The following AHCTF1 variants were observed in gnomAD, a reference collection of about 807,000 sequenced individuals.
AHCTF1 encodes the protein AT-hook containing transcription factor 1, also known as protein ELYS.
Under a neutral mutation model 248.4 loss-of-function variants are expected in AHCTF1, and 24 were observed. That is an observed-to-expected ratio of 0.10 (90% CI 0.07 to 0.14). The LOEUF (loss-of-function observed/expected upper bound fraction) is 0.14. Among genes scored for constraint, AHCTF1 ranks in the 10% least tolerant of loss-of-function variants. AHCTF1 has a pLI of 1.00. For missense variants in AHCTF1, 2,206 were observed against 2,636.2 expected (o/e 0.84, Z 3.57); for synonymous variants, 786 against 929.8 (o/e 0.85, Z 2.81).
chr1:246,877,961 C>G (rs759206319), intron 21 of AHCTF1, among the ~76,000 whole-genome samples: 5 of 151,426 alleles, frequency 3.3e-5, no homozygotes, highest in Non-Finnish European at 7.4e-5. Flanking sequence ...AACTCATACC[C>G]CACCGACAGG....
chr1:246,876,337 C>T (rs1432596854), intron 23 of AHCTF1, 150 bp from the exon 24 acceptor site: 1 of 649,220 alleles, frequency 1.5e-6, no homozygotes, highest in Non-Finnish European at 2.5e-6. Context: ...ACTTCATCCA[C>T]ATATCTAATT....
chr1:246,903,666 G>A lies in AHCTF1; in HGVS notation c.966+283C>T, dbSNP rs796682817. 4.7e-5 allele frequency among the ~76,000 whole-genome samples: 6 copies of A among 128,744 alleles called. No homozygotes were observed. The South Asian group carries it at 6.9e-4, about 15-fold the overall frequency. 84.5% of individuals were successfully genotyped at this position (128,744 alleles called of 152,430 possible). ...AAGATGGTGAGACCCCCCCCCCTCCGTCTCTGCTAAATATACAAAAAAATT... is the reference window on the plus strand; with the variant it reads ...AAGATGGTGAGACCCCCCCCCCTCCATCTCTGCTAAATATACAAAAAAATT... On this transcript the variant is annotated intron_variant, in intron 7 of 35. Coordinates refer to ENST00000648844, the MANE Select transcript of AHCTF1 (RefSeq NM_001323342.2).
intron 24 of AHCTF1, among the ~76,000 whole-genome samples, chr1:246,869,814 A>G (rs1239601975): frequency 1.3e-5 from 2 of 152,236 alleles, no homozygotes; most frequent in African/African-American, 4.8e-5. Context: ...GTTAGCAGGC[A>G]TGAAAACACA....
At chr1:246,848,382 T>C (rs1660441998) in intron 33 of AHCTF1, among the ~76,000 whole-genome samples, 1 of 141,392 alleles carries the variant, frequency 7.1e-6, no homozygotes, top group Admixed American at 6.7e-5. Flanking sequence ...CCCGGATAAT[T>C]TCTTTGTATT....
chr1:246,909,079 A>ATATCTATATC (rs1553302564), intron 4 of AHCTF1, among the ~76,000 whole-genome samples: 1 of 143,286 alleles, frequency 7.0e-6, no homozygotes, highest in Non-Finnish European at 1.5e-5. Flanking sequence ...ATATATATCT[A>ATATCTATATC]TATCTATCTA....
At chr1:246,900,817 A>T (rs1664941691) in intron 8 of AHCTF1, among the ~76,000 whole-genome samples, 2 of 152,234 alleles carry the variant, frequency 1.3e-5, no homozygotes, top group Admixed American at 6.5e-5. Flanking sequence ...CTAGTACTAG[A>T]GAAGTTAATT....
chr1:246,868,890 G>GC (rs1662268000), intron 24 of AHCTF1, among the ~76,000 whole-genome samples: 1 of 146,750 alleles, frequency 6.8e-6, no homozygotes, highest in Admixed American at 6.9e-5. Flanking sequence ...TGTCACCCAG[G>GC]TTGGAGTGCA....
At chr1:246,892,528 C>T (rs560946356) in intron 14 of AHCTF1, among the ~76,000 whole-genome samples, 1 of 151,964 alleles carries the variant, frequency 6.6e-6, no homozygotes, top group Non-Finnish European at 1.5e-5. Context: ...ACCATGTTGG[C>T]CAGGCTGGCC....
intron 10 of AHCTF1, 131 bp from the exon 11 acceptor site, chr1:246,899,643 T>C: frequency 1.6e-6 from 1 of 623,460 alleles, no homozygotes; most frequent in Non-Finnish European, 2.6e-6. Flanking sequence ...TTAAATAAAC[T>C]TTTCTAGGTA....
Position 246,843,919 on chromosome 1 carries a change from AT to A in AHCTF1, c.6400del (p.Ile2134Ter). 8.9e-6 allele frequency: 13 copies of A among 1,457,526 alleles called. No homozygotes were observed. The highest frequency in any genetic ancestry group is 3.3e-5 in the South Asian group (2 of 60,832). The allele number at this position is 1,457,526 out of a possible 1,614,324, so 90.3% of individuals were successfully genotyped here. A position where few individuals can be genotyped will look rare whatever the true frequency, so the allele number is the denominator to read the frequency against. On this transcript the variant is annotated frameshift_variant, in exon 34 of 36. Coordinates refer to ENST00000648844, the MANE Select transcript of AHCTF1 (RefSeq NM_001323342.2). LOFTEE classifies it high-confidence loss of function. ...TTCTTTCAGCTGTGCAGGAACCTCT[AT>A]TTTTTTAGCTAAAAAAAGTTGAAAA... The part of the protein sequence containing the change: ...EVPRKAKAKK[I>X]EVPAQLKELV...
intron 33 of AHCTF1, among the ~76,000 whole-genome samples, chr1:246,845,909 T>G (rs1403059646): frequency 6.6e-6 from 1 of 151,986 alleles, no homozygotes; most frequent in Non-Finnish European, 1.5e-5. Context: ...TCTTGGATAT[T>G]TAACAATTGG....
At chr1:246,925,904 T>C (rs934999588) in intron 1 of AHCTF1, among the ~76,000 whole-genome samples, 3 of 152,072 alleles carry the variant, frequency 2.0e-5, no homozygotes, top group African/African-American at 7.2e-5. Context: ...ATCTCATCTC[T>C]ACGAAAAATA....
chr1:246,861,738 C>T (rs1661565935), intron 28 of AHCTF1, among the ~76,000 whole-genome samples: 2 of 152,350 alleles, frequency 1.3e-5, no homozygotes, highest in South Asian at 4.1e-4. Context: ...TTACTTGGTG[C>T]TTCCGAGTCC....
chr1:246,921,278 G>A (rs182396126), intron 1 of AHCTF1, among the ~76,000 whole-genome samples: 213 of 152,108 alleles, frequency 1.4e-3, no homozygotes, highest in African/African-American at 4.8e-3. Flanking sequence ...GAGAGAAAGC[G>A]GAAGAATATA....
chr1:246,864,095 C>G lies in AHCTF1; in HGVS notation c.3369G>C (p.Gln1123His). The change falls in exon 27 of 36, where the codon CAG becomes CAC. Residue 1123 changes from glutamine (Q) to histidine (H), a missense_variant. Gln to His is a conservative substitution (Grantham distance 24). This residue lies in a region of AHCTF1 where 955 missense variants were observed against 1,055.6 expected (regional missense o/e 0.90). Coordinates refer to ENST00000648844, the MANE Select transcript of AHCTF1 (RefSeq NM_001323342.2). ...KISRLLDLVV[Q>H]PVPRPSQCSE... ...AACACTGAGAAGGCCGGGGGACAGG[C>G]TGAACAACCAAATCTAGCAGTCTGT... 3.7e-6 allele frequency: 6 copies of G among 1,613,872 alleles called. No individual in the cohort carries two copies. Among genetic ancestry groups the G allele is most frequent in the African/African-American group, 1.3e-5 (1 of 75,004 alleles).
At chr1:246,846,033 A>T (rs1414626705) in intron 33 of AHCTF1, among the ~76,000 whole-genome samples, 2 of 150,920 alleles carry the variant, frequency 1.3e-5, no homozygotes, top group African/African-American at 2.4e-5. Flanking sequence ...TGAGGACAGA[A>T]GGAAGTAAAA....
chr1:246,849,176 T>A (rs1660508943), intron 33 of AHCTF1, among the ~76,000 whole-genome samples: 1 of 152,184 alleles, frequency 6.6e-6, no homozygotes, highest in African/African-American at 2.4e-5. Flanking sequence ...TGGGCAATAG[T>A]GAATATGGAT....
rs774260268 is a variant in AHCTF1, at chr1:246,850,312, A to G, written c.5694T>C (p.Ser1898=). 3.7e-6 allele frequency: 6 copies of G among 1,613,776 alleles called. No individual in the cohort carries two copies. The African/African-American group carries it at 5.3e-5, about 14-fold the overall frequency. Residue 1898 remains serine, a synonymous_variant, in exon 33 of 36, where the codon AGT becomes AGC. Coordinates refer to ENST00000648844, the MANE Select transcript of AHCTF1 (RefSeq NM_001323342.2). ...INDLKVSTVT[S]PSRMIRKLRS... ...TCAATTTTCTGATCATTCTGCTAGGACTTGTTACCGTACTAACTTTTAGAT... is the reference window on the plus strand; with the variant it reads ...TCAATTTTCTGATCATTCTGCTAGGGCTTGTTACCGTACTAACTTTTAGAT...
chr1:246,927,939 G>A (rs1374170550), intron 1 of AHCTF1, among the ~76,000 whole-genome samples: 1 of 152,164 alleles, frequency 6.6e-6, no homozygotes, highest in Non-Finnish European at 1.5e-5. Flanking sequence ...GGCAGAGGTT[G>A]CAATAAGCCA....
Sources: gnomAD v4.1 joint callset for allele counts (sites outside exome capture counted in the v4.1 genomes callset) on GRCh38, gnomAD v4.1.1 for gene constraint, gnomAD v4.1.1 regional missense constraint, MANE v1.5 for transcripts, NCBI Gene and HGNC (gene_info 2026-07-23, HGNC 2026-07-21) for gene names.